The following RNF34 variants were observed in gnomAD, a reference collection of about 807,000 sequenced individuals.
RNF34 encodes the protein ring finger protein 34.
In RNF34, 12 loss-of-function variants were observed where a neutral mutation model predicts 37.9. The ratio of observed to expected loss-of-function variants is 0.32; its 90% CI spans 0.20 to 0.51. The LOEUF (loss-of-function observed/expected upper bound fraction) is 0.51. RNF34 is among the 20% of genes least tolerant of loss of function. RNF34 has a pLI of 0.97. For synonymous variants in RNF34, 155 were observed against 177.2 expected (o/e 0.87, Z 1.00); for missense variants, 362 against 472.7 (o/e 0.77, Z 2.17).
chr12:121,410,366 G>A (rs535074870), intron 1 of RNF34, among the ~76,000 whole-genome samples: 3 of 152,028 alleles, frequency 2.0e-5, no homozygotes, highest in South Asian at 2.1e-4. Context: ...GTGAAACCCC[G>A]TCTCTACTAA....
intron 1 of RNF34, among the ~76,000 whole-genome samples, chr12:121,411,640 T>C (rs1178802462): frequency 6.6e-6 from 1 of 152,228 alleles, no homozygotes; most frequent in Non-Finnish European, 1.5e-5. Context: ...CTAAATAGCA[T>C]GTAAAATTTT....
intron 1 of RNF34, among the ~76,000 whole-genome samples, chr12:121,400,517 C>T (rs1315251024): frequency 6.6e-6 from 1 of 152,192 alleles, no homozygotes; most frequent in Non-Finnish European, 1.5e-5. Flanking sequence ...TGCGCCTCCT[C>T]GGGGGCCTGA....
At chr12:121,419,005 A>G (rs1555282766) in intron 3 of RNF34, among the ~76,000 whole-genome samples, 1 of 152,164 alleles carries the variant, frequency 6.6e-6, no homozygotes, top group East Asian at 1.9e-4. Context: ...CGCCTGGCCA[A>G]GAGTGTCTTT....
rs2136899159 is a variant in RNF34 at position 121,404,765 on chromosome 12, AT to A, written c.6+4548del. The A allele has an allele frequency of 2.0e-5, 3 of 152,238 alleles. No homozygotes were observed. The East Asian group carries it at 5.8e-4, about 29-fold the overall frequency. 9.4% of individuals were successfully genotyped at this position (152,238 alleles called of 1,614,324 possible). A position where few individuals can be genotyped will look rare whatever the true frequency, so the allele number is the denominator to read the frequency against. The stretch of plus-strand genomic sequence containing the variant: ...GCTGGTTGATAATATATTTAATGGA[AT>A]CATTAAAAGTTTAGGGTTGAAAATT... On this transcript the variant is annotated intron_variant, in intron 1 of 5. Coordinates refer to ENST00000361234, the MANE Select transcript of RNF34 (RefSeq NM_025126.4).
At chr12:121,420,903 C>A in intron 5 of RNF34, 125 bp downstream of exon 5, 1 of 687,608 alleles carries the variant, frequency 1.5e-6, no homozygotes. Context: ...TACTGAGTAT[C>A]AGTTAGTTAC....
rs1210312662 is a variant in RNF34 at position 121,416,301 on chromosome 12, A to G, written c.149A>G (p.Tyr50Cys). 6.2e-7 allele frequency: 1 copy of G among 1,613,990 alleles called. No individual in the cohort carries two copies. Among genetic ancestry groups the G allele is most frequent in the Non-Finnish European group, 8.5e-7 (1 of 1,179,974 alleles). Residue 50 changes from tyrosine (Y) to cysteine (C), a missense_variant, in exon 2 of 6, where the codon TAC becomes TGC. Tyr to Cys is a radical substitution (Grantham distance 194, BLOSUM62 -2). Coordinates refer to ENST00000361234, the MANE Select transcript of RNF34 (RefSeq NM_025126.4). ...RFTPNPEFSTYPPAATEGPNI... is the reference protein window; with the variant it reads ...RFTPNPEFSTCPPAATEGPNI... ...ACACCAAACCCTGAGTTTTCCACCT[A>G]CCCACCAGCAGCTACGGAAGGGCCC...
At chr12:121,408,025 G>A (rs1870715839) in intron 1 of RNF34, among the ~76,000 whole-genome samples, 1 of 152,130 alleles carries the variant, frequency 6.6e-6, no homozygotes, top group Non-Finnish European at 1.5e-5. Context: ...GAAAATGTGG[G>A]CCAAGCGTGG....
rs782509234 is a variant in RNF34, at chr12:121,400,196, C to G, written c.-17C>G. 1 of 1,608,572 alleles carries G rather than the reference C, an allele frequency of 6.2e-7. No homozygotes were observed. Among genetic ancestry groups the G allele is most frequent in the Admixed American group, 1.7e-5 (1 of 59,714 alleles). On this transcript the variant is annotated 5_prime_UTR_variant, in exon 1 of 6. Transcript: ENST00000361234. ...GAGTTTCCTGGTAGAGCCGGCCGAGCTGAGGCGGTCGCGGCCATGAAGGTG... is the reference window on the plus strand; with the variant it reads ...GAGTTTCCTGGTAGAGCCGGCCGAGGTGAGGCGGTCGCGGCCATGAAGGTG...
chr12:121,420,500 C>T (rs1555283121), intron 4 of RNF34, 77 bp from the exon 5 acceptor site: 10 of 1,573,894 alleles, frequency 6.4e-6, no homozygotes, highest in South Asian at 4.5e-5. Context: ...GGAGAATATT[C>T]AGGGCCAGTG....
intron 1 of RNF34, chr12:121,415,233 G>A (rs1871448354): frequency 3.8e-6 from 1 of 260,432 alleles, no homozygotes; most frequent in Non-Finnish European, 8.7e-6. Flanking sequence ...GTGTTTTGAT[G>A]TTTTCCAAGT....
intron 1 of RNF34, among the ~76,000 whole-genome samples, chr12:121,405,869 C>G (rs924237622): frequency 6.6e-6 from 1 of 151,330 alleles, no homozygotes; most frequent in Non-Finnish European, 1.5e-5. Flanking sequence ...TCTCGGCTCA[C>G]TGCAAGCTCT....
intron 1 of RNF34, among the ~76,000 whole-genome samples, chr12:121,401,374 A>AAAAAAAAAAAG (rs1869983006): frequency 6.7e-6 from 1 of 148,516 alleles, no homozygotes; most frequent in Non-Finnish European, 1.5e-5. Context: ...AAAAAAAAAA[A>AAAAAAAAAAAG]GGCAGGGACA....
chr12:121,408,611 A>G (rs1457274443), intron 1 of RNF34, among the ~76,000 whole-genome samples: 1 of 152,168 alleles, frequency 6.6e-6, no homozygotes, highest in Non-Finnish European at 1.5e-5. Flanking sequence ...AATTTCTGAA[A>G]TTTATGAGAA....
At position 121,423,363 on chromosome 12, in the gene RNF34, C is replaced by A; in HGVS notation, c.929-23C>A. The A allele has an allele frequency of 6.3e-7, 1 of 1,578,544 alleles. No individual in the cohort carries two copies. Among genetic ancestry groups the A allele is most frequent in the East Asian group, 2.3e-5 (1 of 43,544 alleles). On this transcript the variant is annotated intron_variant, in intron 5 of 5. Transcript: ENST00000361234. The surrounding 1 kb of genome is among the most constrained non-coding windows in gnomAD (Gnocchi z 4.3). Reference sequence around the variant, plus strand: ...GACTGGCCATGCCTGAAGCCGAGGCCTTAGCTCTCTGTTGCCTTTCAGATG... The same window carrying A: ...GACTGGCCATGCCTGAAGCCGAGGCATTAGCTCTCTGTTGCCTTTCAGATG...
chr12:121,404,387 C>CTTTTTTTTTTTTTTTTTTTT (rs782225104), intron 1 of RNF34, among the ~76,000 whole-genome samples: 1 of 65,848 alleles, frequency 1.5e-5, no homozygotes, highest in African/African-American at 7.4e-5. Context: ...GTCATTTAAT[C>CTTTTTTTTTTTTTTTTTTTT]TTTTTTTTTT....
chr12:121,418,449 A>G (rs1555282664), intron 3 of RNF34: 2 of 153,278 alleles, frequency 1.3e-5, no homozygotes, highest in East Asian at 3.8e-4. Context: ...AATAACATGT[A>G]AAGGCTTGTA....
intron 3 of RNF34, chr12:121,418,316 GC>G (rs1871770898): frequency 6.1e-6 from 1 of 164,828 alleles, no homozygotes; most frequent in African/African-American, 2.4e-5. Context: ...CATTTGTCTT[GC>G]TACAGTGAAA....
intron 1 of RNF34, among the ~76,000 whole-genome samples, chr12:121,410,154 C>CG (rs1566227455): frequency 1.3e-5 from 2 of 148,908 alleles, no homozygotes; most frequent in African/African-American, 4.9e-5. Flanking sequence ...AACTCCGTCT[C>CG]AAAAAAAAAG....
intron 3 of RNF34, among the ~76,000 whole-genome samples, chr12:121,419,246 G>C (rs1871872305): frequency 1.3e-5 from 2 of 152,202 alleles, no homozygotes; most frequent in Admixed American, 1.3e-4. Flanking sequence ...ACACTAACGT[G>C]ATGTACGGCT....
Sources: gnomAD v4.1 joint callset for allele counts (sites outside exome capture counted in the v4.1 genomes callset) on GRCh38, gnomAD v4.1.1 for gene constraint, Gnocchi (gnomAD v3.1) non-coding constraint, MANE v1.5 for transcripts, NCBI Gene and HGNC (gene_info 2026-07-23, HGNC 2026-07-21) for gene names.